The following TATDN3 variants were observed in gnomAD, a reference collection of about 807,000 sequenced individuals.
The protein encoded by TATDN3 is deoxyribonuclease TATDN3.
TATDN3 carries 29 observed loss-of-function variants against 40.1 expected under a neutral mutation model. The ratio of observed to expected loss-of-function variants is 0.72; its 90% CI spans 0.54 to 0.99. TATDN3 has a LOEUF of 0.99. Ranked by LOEUF, TATDN3 falls within the 50% of genes least tolerant of loss-of-function variation. The pLI is 0.00. For synonymous variants in TATDN3, 105 were observed against 117.0 expected (o/e 0.90, Z 0.66); for missense variants, 309 against 321.9 (o/e 0.96, Z 0.31).
At chr1:212,798,536 CAAAAAAAAAAA>C (rs11296428) in intron 4 of TATDN3, among the ~76,000 whole-genome samples, 3 of 91,320 alleles carry the variant, frequency 3.3e-5, no homozygotes, top group East Asian at 3.3e-4. Flanking sequence ...CTCAAAAACT[CAAAAAAAAAAA>C]AAAAAAAAAA....
intron 1 of TATDN3, among the ~76,000 whole-genome samples, chr1:212,792,490 C>G (rs866601372): frequency 1.0e-5 from 1 of 97,022 alleles, no homozygotes; most frequent in Non-Finnish European, 2.4e-5. Context: ...AAAAAAAAAG[C>G]CGGTGATTGT....
At position 212,807,747 on chromosome 1, in the gene TATDN3, G is replaced by A. The variant is rs376060521; in HGVS notation, c.499G>A (p.Val167Ile). The A allele has an allele frequency of 2.2e-5, 36 of 1,612,268 alleles. No homozygotes were observed. The highest frequency in any genetic ancestry group is 8.4e-5 in the Admixed American group (5 of 59,488). Residue 167 changes from valine (V) to isoleucine (I), a missense_variant, in exon 8 of 10, where the codon GTA becomes ATA. Physicochemically the swap from Val to Ile is conservative, Grantham distance 29. Coordinates refer to ENST00000366974, the MANE Select transcript of TATDN3 (RefSeq NM_001042552.3). Reference protein sequence around the residue: ...NLLQEQGAEKVLLHAFDGRPS... With the variant: ...NLLQEQGAEKILLHAFDGRPS... The stretch of plus-strand genomic sequence containing the variant: ...TTCATTTTTGAAAGGTGCTGAGAAG[G>A]TACTGCTGCATGCATTTGATGGTCG...
intron 4 of TATDN3, among the ~76,000 whole-genome samples, chr1:212,801,565 A>G (rs1381176630): frequency 6.6e-6 from 1 of 152,064 alleles, no homozygotes; most frequent in African/African-American, 2.4e-5. Flanking sequence ...CAACTGTGTA[A>G]TTTCTGTGAC....
chr1:212,795,464 T>C (rs1295055947), intron 2 of TATDN3, among the ~76,000 whole-genome samples: 1 of 152,002 alleles, frequency 6.6e-6, no homozygotes, highest in African/African-American at 2.4e-5. Context: ...AGAGACAGGG[T>C]TTCACCATGT....
chr1:212,803,896 C>G (rs957323851), intron 5 of TATDN3, among the ~76,000 whole-genome samples: 1 of 151,924 alleles, frequency 6.6e-6, no homozygotes, highest in African/African-American at 2.4e-5. Context: ...ATTAGCCGGG[C>G]GTGGTAGCAG....
At chr1:212,812,881 C>A in intron 9 of TATDN3, among the ~76,000 whole-genome samples, 1 of 152,002 alleles carries the variant, frequency 6.6e-6, no homozygotes, top group East Asian at 1.9e-4. Flanking sequence ...GGCACATGCG[C>A]CTGTAATCGC....
At chr1:212,808,578 A>T (rs966771062) in intron 8 of TATDN3, among the ~76,000 whole-genome samples, 3 of 152,236 alleles carry the variant, frequency 2.0e-5, no homozygotes, top group Admixed American at 1.3e-4. Context: ...ATAAGGGTCT[A>T]GTATCCAGAA....
chr1:212,812,022 A>G (rs138892513), intron 8 of TATDN3, among the ~76,000 whole-genome samples: 3,464 of 151,462 alleles, frequency 0.023, 63 homozygotes, highest in South Asian at 0.042. Flanking sequence ...TTTAGCAGAG[A>G]CGGGGTTTCA....
chr1:212,807,693 G>T, intron 7 of TATDN3, 43 bp from the exon 8 acceptor site: 1 of 1,416,198 alleles, frequency 7.1e-7, no homozygotes. Flanking sequence ...TTTGATTGAT[G>T]GGACATAAAA....
intron 1 of TATDN3, among the ~76,000 whole-genome samples, chr1:212,793,136 G>T (rs1661471401): frequency 1.3e-5 from 2 of 152,224 alleles, no homozygotes. Flanking sequence ...GGGGATAGAT[G>T]AGGTGGGTCA....
chr1:212,801,615 T>A (rs1458236574), intron 4 of TATDN3, among the ~76,000 whole-genome samples: 1 of 152,218 alleles, frequency 6.6e-6, no homozygotes, highest in East Asian at 1.9e-4. Flanking sequence ...GGGTGATTTC[T>A]CCTACTTCTC....
chr1:212,797,176 C>T lies in TATDN3; in HGVS notation c.238C>T (p.Gln80Ter), dbSNP rs1263485022. The T allele has an allele frequency of 6.2e-7, 1 of 1,613,662 alleles. No homozygotes were observed. The highest frequency in any genetic ancestry group is 8.5e-7 in the Non-Finnish European group (1 of 1,179,728). Residue 80 changes from glutamine to a stop codon, truncating the protein, a stop_gained, in exon 4 of 10, where the codon CAA becomes TAA. Transcript: ENST00000366974. LOFTEE classifies it high-confidence loss of function. The stretch of plus-strand genomic sequence containing the variant: ...AGTTCAAGGACTTCCACCAGAAGAC[C>T]AAAGAAGTGTCACACTAAAGGTAAC... ...HPVQGLPPED[Q>*]RSVTLKDLDV...
At chr1:212,796,256 C>T (rs568073763) in intron 2 of TATDN3, among the ~76,000 whole-genome samples, 16 of 152,194 alleles carry the variant, frequency 1.1e-4, no homozygotes, top group Admixed American at 3.3e-4. Flanking sequence ...GCAAGTTATT[C>T]GACATCCAAA....
At chr1:212,812,183 C>A in intron 8 of TATDN3, 65 bp from the exon 9 acceptor site, 1 of 1,035,786 alleles carries the variant, frequency 9.7e-7, no homozygotes, top group South Asian at 1.5e-5. Flanking sequence ...ATTAGTATGT[C>A]AATTTAATGC....
chr1:212,808,576 C>G (rs913626602), intron 8 of TATDN3, among the ~76,000 whole-genome samples: 7 of 151,974 alleles, frequency 4.6e-5, no homozygotes, highest in African/African-American at 1.7e-4. Flanking sequence ...TGATAAGGGT[C>G]TAGTATCCAG....
In TATDN3 at chr1:212,815,398, C is replaced by T. The variant is rs1171828424; in HGVS notation, c.*242C>T. On this transcript the variant is annotated 3_prime_UTR_variant, in exon 10 of 10. Coordinates refer to ENST00000366974, the MANE Select transcript of TATDN3 (RefSeq NM_001042552.3). ...GTTCTGGCAGGATATTGGGAAAATA[C>T]TGCTACTTCTTACATTGCCCTTTTA... 3 of 415,734 alleles carry T rather than the reference C, an allele frequency of 7.2e-6. No individual in the cohort carries two copies. The highest frequency in any genetic ancestry group is 1.3e-5 in the Non-Finnish European group (3 of 235,824). The allele number at this position is 415,734 out of a possible 1,614,324, so 25.8% of individuals were successfully genotyped here. A position where few individuals can be genotyped will look rare whatever the true frequency, so the allele number is the denominator to read the frequency against.
At position 212,816,723 on chromosome 1, in the gene TATDN3, A is replaced by G. The variant is rs568228609; in HGVS notation, c.*1567A>G. ...TGTCCAAACCAGACTAAGAAACTGAATAGGGTATTTTATGAGGTATTTAAT... is the reference window on the plus strand; with the variant it reads ...TGTCCAAACCAGACTAAGAAACTGAGTAGGGTATTTTATGAGGTATTTAAT... On this transcript the variant is annotated 3_prime_UTR_variant, in exon 10 of 10. Coordinates refer to ENST00000366974, the MANE Select transcript of TATDN3 (RefSeq NM_001042552.3). 15 of 152,350 alleles carry G rather than the reference A, an allele frequency of 9.8e-5. No homozygotes were observed. The highest frequency in any genetic ancestry group is 3.6e-4 in the African/African-American group (15 of 41,574). 9.4% of individuals were successfully genotyped at this position (152,350 alleles called of 1,614,324 possible).
chr1:212,792,497 T>C (rs1440308536), intron 1 of TATDN3, among the ~76,000 whole-genome samples: 1 of 140,472 alleles, frequency 7.1e-6, no homozygotes, highest in Non-Finnish European at 1.5e-5. Context: ...AAGCCGGTGA[T>C]TGTGGCGTTT....
At chr1:212,812,140 TAAA>T in intron 8 of TATDN3, 105 bp from the exon 9 acceptor site, 1 of 721,640 alleles carries the variant, frequency 1.4e-6, no homozygotes, top group South Asian at 2.1e-5. Flanking sequence ...GCCTAAAGCA[TAAA>T]TTTTAAGTTA....
Sources: allele counts gnomAD v4.1 joint callset (sites outside exome capture counted in the v4.1 genomes callset), GRCh38; gene constraint gnomAD v4.1.1; transcripts MANE v1.5; gene names NCBI Gene and HGNC (gene_info 2026-07-23, HGNC 2026-07-21).